FAM237A: variants seen among roughly 807,000 people sequenced by gnomAD.
The protein encoded by FAM237A is family with sequence similarity 237 member A.
Under a neutral mutation model 12.5 loss-of-function variants are expected in FAM237A, and 14 were observed. The ratio of observed to expected loss-of-function variants is 1.12; its 90% CI spans 0.74 to 1.75. The LOEUF is 1.75. FAM237A is among the 40% of genes most tolerant of loss of function. The pLI is 0.00. For synonymous variants in FAM237A, 85 were observed against 77.5 expected (o/e 1.10, Z -0.51); for missense variants, 240 against 211.7 (o/e 1.13, Z -0.83).
chr2:206,644,171 C>A, intron 1 of FAM237A, 56 bp from the exon 2 acceptor site: 1 of 1,435,844 alleles, frequency 7.0e-7, no homozygotes, highest in Non-Finnish European at 9.3e-7. Flanking sequence ...TACTTATTTT[C>A]TTTACTGAGC....
At chr2:206,648,540 G>C (rs895495318) in intron 2 of FAM237A, 121 bp from the exon 3 acceptor site, 11 of 968,870 alleles carry the variant, frequency 1.1e-5, no homozygotes, top group South Asian at 8.5e-5. Context: ...TCAATTTATA[G>C]AGAATTTTGA....
At chr2:206,648,520 T>G in intron 2 of FAM237A, 141 bp from the exon 3 acceptor site, 3 of 790,136 alleles carry the variant, frequency 3.8e-6, no homozygotes, top group Non-Finnish European at 5.7e-6. Flanking sequence ...TTACATATAT[T>G]CCTCTGAAAT....
At chr2:206,644,201 A>G in intron 1 of FAM237A, 26 bp from the exon 2 acceptor site, 1 of 1,539,520 alleles carries the variant, frequency 6.5e-7, no homozygotes, top group Non-Finnish European at 8.7e-7. Context: ...GCGGGGACTG[A>G]TAAGAAATAT....
At chr2:206,647,632 GACACAC>G (rs34672675) in intron 2 of FAM237A, among the ~76,000 whole-genome samples, 2,376 of 139,642 alleles carry the variant, frequency 0.017, 32 homozygotes, top group Non-Finnish European at 0.026. Context: ...GAGACACACA[GACACAC>G]ACACACACAC....
Position 206,644,336 on chromosome 2 carries a change from C to G in FAM237A, c.100C>G (p.His34Asp). 6.2e-7 allele frequency: 1 copy of G among 1,613,540 alleles called. No individual in the cohort carries two copies. The change falls in exon 2 of 3, where the codon CAT (histidine) becomes GAT (aspartate). Residue 34 changes from histidine to aspartate, a missense_variant. By Grantham distance (81) the His-to-Asp change is moderately conservative. Transcript: ENST00000441223. The part of the protein sequence containing the change: ...GMCCVSPFFC[H>D]SQTDLLALSQ... ...GTGCTGTGTATCTCCTTTCTTCTGC[C>G]ATAGCCAGACAGACTTGCTGGCTCT...
At chr2:206,643,883 C>T (rs1320290714) in intron 1 of FAM237A, among the ~76,000 whole-genome samples, 1 of 152,162 alleles carries the variant, frequency 6.6e-6, no homozygotes, top group Non-Finnish European at 1.5e-5. Context: ...TAAAGCCATG[C>T]AGCAAAATTT....
intron 2 of FAM237A, among the ~76,000 whole-genome samples, chr2:206,647,167 C>T (rs377723305): frequency 2.2e-4 from 34 of 152,150 alleles, no homozygotes; most frequent in East Asian, 1.4e-3. Context: ...ACTGCGTAAC[C>T]GTGAGCAAGT....
intron 1 of FAM237A, among the ~76,000 whole-genome samples, chr2:206,643,022 T>C (rs1699273688): frequency 6.6e-6 from 1 of 152,220 alleles, no homozygotes; most frequent in African/African-American, 2.4e-5. Flanking sequence ...TAATCTTGTA[T>C]CTCTAACATG....
chr2:206,648,534 T>G, intron 2 of FAM237A, 127 bp from the exon 3 acceptor site: 1 of 926,844 alleles, frequency 1.1e-6, no homozygotes. Flanking sequence ...CTGAAATCAA[T>G]TTATAGAGAA....
chr2:206,643,986 C>T (rs2105881488), intron 1 of FAM237A, among the ~76,000 whole-genome samples: 1 of 152,270 alleles, frequency 6.6e-6, no homozygotes, highest in African/African-American at 2.4e-5. Flanking sequence ...TAAAGGAACA[C>T]ATCTTAGGAG....
chr2:206,644,727 G>A (rs1699296402), intron 2 of FAM237A, 79 bp downstream of exon 2: 2 of 1,335,138 alleles, frequency 1.5e-6, no homozygotes, highest in Admixed American at 2.9e-5. Context: ...AGAGGGAAAT[G>A]GCATTAGGGG....
chr2:206,648,839 T>C lies in FAM237A; in HGVS notation c.*45T>C. 1 of 1,351,924 alleles carries C rather than the reference T, an allele frequency of 7.4e-7. No individual in the cohort carries two copies. Among genetic ancestry groups the C allele is most frequent in the Non-Finnish European group, 9.7e-7 (1 of 1,026,792 alleles). The allele number at this position is 1,351,924 out of a possible 1,614,324, so 83.7% of individuals were successfully genotyped here. A position where few individuals can be genotyped will look rare whatever the true frequency, so the allele number is the denominator to read the frequency against. ...CATGCCTTGGAATTAAATATACATA[T>C]ATATAACATTTTTCTTAACTATTGA... On this transcript the variant is annotated 3_prime_UTR_variant, in exon 3 of 3. Transcript: ENST00000441223.
intron 2 of FAM237A, among the ~76,000 whole-genome samples, chr2:206,647,219 G>A (rs1031912680): frequency 1.3e-5 from 2 of 152,182 alleles, no homozygotes; most frequent in African/African-American, 4.8e-5. Flanking sequence ...AAAAAGAAAT[G>A]TATGGAAAGT....
intron 2 of FAM237A, among the ~76,000 whole-genome samples, chr2:206,647,443 A>G (rs1699330473): frequency 6.6e-6 from 1 of 152,206 alleles, no homozygotes; most frequent in Non-Finnish European, 1.5e-5. Context: ...AAAGGGCTAG[A>G]GATGTCATTA....
At chr2:206,648,509 C>T (rs934644729) in intron 2 of FAM237A, among the ~76,000 whole-genome samples, 152 bp from the exon 3 acceptor site, 16 of 152,162 alleles carry the variant, frequency 1.1e-4, no homozygotes, top group Admixed American at 2.0e-4. Flanking sequence ...CAAATACACA[C>T]TTACATATAT....
chr2:206,644,296 G>A lies in FAM237A; in HGVS notation c.60G>A (p.Leu20=), dbSNP rs770012624. The A allele has an allele frequency of 6.2e-7, 1 of 1,613,304 alleles. No individual in the cohort carries two copies. Among genetic ancestry groups the A allele is most frequent in the Non-Finnish European group, 8.5e-7 (1 of 1,179,600 alleles). ...GCCCCTTGAGCTTCACCTGCTCCCT[G>A]CTCATTGTGGGAATGTGCTGTGTAT... is the stretch of plus-strand genomic sequence containing the variant. ...IHRPLSFTCS[L]LIVGMCCVSP... Residue 20 remains leucine, a synonymous_variant, in exon 2 of 3, where the codon CTG becomes CTA. Coordinates refer to ENST00000441223, the MANE Select transcript of FAM237A (RefSeq NM_001102659.3).
chr2:206,644,506 G>T lies in FAM237A; in HGVS notation c.270G>T (p.Leu90=), dbSNP rs1163166623. 6.2e-7 allele frequency: 1 copy of T among 1,613,904 alleles called. No homozygotes were observed. The highest frequency in any genetic ancestry group is 1.3e-5 in the African/African-American group (1 of 74,928). Residue 90 remains leucine, a synonymous_variant, in exon 2 of 3, where the codon CTG becomes CTT. Coordinates refer to ENST00000441223, the MANE Select transcript of FAM237A (RefSeq NM_001102659.3). ...KSSENLKHGA[L]FWDLAQLFWD... is the part of the protein sequence containing the mutation. ...CTGAGAACTTGAAGCATGGAGCACTGTTTTGGGATCTGGCCCAACTCTTCT... is the reference window on the plus strand; with the variant it reads ...CTGAGAACTTGAAGCATGGAGCACTTTTTTGGGATCTGGCCCAACTCTTCT...
intron 1 of FAM237A, 47 bp from the exon 2 acceptor site, chr2:206,644,180 G>A: frequency 6.8e-7 from 1 of 1,475,560 alleles, no homozygotes; most frequent in African/African-American, 1.4e-5. Context: ...TCTTTACTGA[G>A]CAGAGCACAA....
chr2:206,648,684 A>T lies in FAM237A; in HGVS notation c.436A>T (p.Thr146Ser), dbSNP rs1213934018. ...AGGTACATATTCTCAGCTCCTAAGG[A>T]CCTCCTTCCTAAAGAAGAAAGAGTT... is the stretch of plus-strand genomic sequence containing the variant. ...KQGTYSQLLRTSFLKKKELIE... is the reference protein window; with the variant it reads ...KQGTYSQLLRSSFLKKKELIE... The change falls in exon 3 of 3, where the codon ACC (threonine) becomes TCC (serine). Residue 146 changes from threonine (T) to serine (S), a missense_variant. Physicochemically the swap from Thr to Ser is moderately conservative, Grantham distance 58 (BLOSUM62 1). Coordinates refer to ENST00000441223, the MANE Select transcript of FAM237A (RefSeq NM_001102659.3). 3.1e-6 allele frequency: 5 copies of T among 1,593,278 alleles called. No homozygotes were observed. The highest frequency in any genetic ancestry group is 4.3e-6 in the Non-Finnish European group (5 of 1,169,592).
Sources: gnomAD v4.1 joint callset for allele counts (sites outside exome capture counted in the v4.1 genomes callset) on GRCh38, gnomAD v4.1.1 for gene constraint, MANE v1.5 for transcripts, NCBI Gene and HGNC (gene_info 2026-07-23, HGNC 2026-07-21) for gene names.